Variants in MRPS10 observed in about 807,000 individuals in gnomAD.
MRPS10 encodes mitochondrial ribosomal protein S10, also known as small ribosomal subunit protein uS10m.
In MRPS10, 23 loss-of-function variants were observed where a neutral mutation model predicts 27.5. That is an observed-to-expected ratio of 0.84 (90% CI 0.60 to 1.18). The LOEUF (loss-of-function observed/expected upper bound fraction) is 1.18, where lower values mean the gene tolerates loss of function less well. Among genes scored for constraint, MRPS10 ranks in the 50% most tolerant of loss-of-function variants. The probability of loss-of-function intolerance (pLI) is 0.00; values close to 1 mark genes in which losing one functional copy is unlikely to be tolerated. For missense variants in MRPS10, 237 were observed against 240.1 expected, an observed-to-expected ratio of 0.99 and a Z score of 0.09; for synonymous variants, 88 against 84.2, an observed-to-expected ratio of 1.04 and a Z score of -0.25.
At chr6:42,213,482 T>G (rs1357742668) in intron 3 of MRPS10, among the ~76,000 whole-genome samples, 1 of 152,000 alleles carries the variant, frequency 6.6e-6, no homozygotes, top group Non-Finnish European at 1.5e-5. Context: ...CAATATCTAT[T>G]AAGAGAAAAG....
chr6:42,214,426 G>T (rs576070129), intron 1 of MRPS10, 82 bp from the exon 2 acceptor site: 4 of 1,102,384 alleles, frequency 3.6e-6, no homozygotes, highest in Non-Finnish European at 4.0e-6. Context: ...AAACTAAAAG[G>T]TTACCTCATT....
At chr6:42,214,030 A>G in intron 3 of MRPS10, 90 bp downstream of exon 3, 1 of 1,089,778 alleles carries the variant, frequency 9.2e-7, no homozygotes, top group Non-Finnish European at 1.3e-6. Flanking sequence ...TTTTATTCAT[A>G]GAGTGTTTGG....
chr6:42,208,823 C>T (rs1283592699), intron 6 of MRPS10, 35 bp downstream of exon 6: 8 of 1,377,454 alleles, frequency 5.8e-6, no homozygotes, highest in African/African-American at 1.5e-5. Flanking sequence ...CACTCCCCAC[C>T]GCCCCACCGA....
chr6:42,215,031 T>C (rs1301773907), intron 1 of MRPS10, among the ~76,000 whole-genome samples: 1 of 152,192 alleles, frequency 6.6e-6, no homozygotes, highest in African/African-American at 2.4e-5. Flanking sequence ...TTTCAACTTT[T>C]CTGAGATTTT....
chr6:42,208,701 T>C (rs1582346073), intron 6 of MRPS10, among the ~76,000 whole-genome samples, 157 bp downstream of exon 6: 1 of 152,024 alleles, frequency 6.6e-6, no homozygotes, highest in Admixed American at 6.6e-5. Flanking sequence ...AAGGGGTGGG[T>C]AGCCCCCAAC....
At position 42,215,100 on chromosome 6, in the gene MRPS10, A is replaced by G. The variant is rs1768885501; in HGVS notation, c.49-756T>C. On this transcript the variant is annotated intron_variant, in intron 1 of 6. Transcript: ENST00000053468. ...AATCCTTAAAAACACAATGAAGATG[A>G]AAATAAGGCCAGGTGCCGTGGCTCA... Among the ~76,000 whole-genome samples the G allele has an allele frequency of 2.0e-5, 3 of 152,184 alleles. No homozygotes were observed. In the South Asian group the frequency reaches 6.2e-4, roughly 32 times the overall value.
chr6:42,208,583 G>C (rs1374527241), intron 6 of MRPS10, among the ~76,000 whole-genome samples: 2 of 152,164 alleles, frequency 1.3e-5, no homozygotes, highest in Non-Finnish European at 2.9e-5. Flanking sequence ...TGATCTTCAT[G>C]GATTGCCACT....
At chr6:42,217,772 C>A in intron 1 of MRPS10, 30 bp downstream of exon 1, 1 of 1,612,360 alleles carries the variant, frequency 6.2e-7, no homozygotes, top group Non-Finnish European at 8.5e-7. Flanking sequence ...TCCCGGTCAG[C>A]CCTCCTAGTC....
At chr6:42,214,555 A>C (rs1768868704) in intron 1 of MRPS10, among the ~76,000 whole-genome samples, 1 of 147,588 alleles carries the variant, frequency 6.8e-6, no homozygotes, top group Non-Finnish European at 1.5e-5. Context: ...GAGAATCTCT[A>C]TTTTAAAGAT....
At chr6:42,210,740 A>T (rs1768750494) in intron 4 of MRPS10, 144 bp from the exon 5 acceptor site, 2 of 1,219,030 alleles carry the variant, frequency 1.6e-6, no homozygotes, top group African/African-American at 3.1e-5. Context: ...ATCTGGAACA[A>T]CAACTGCTAT....
At chr6:42,209,936 A>C (rs527525866) in intron 5 of MRPS10, among the ~76,000 whole-genome samples, 91 of 152,198 alleles carry the variant, frequency 6.0e-4, no homozygotes, top group African/African-American at 2.1e-3. Context: ...TCTAATCCTC[A>C]CACTAACCTT....
intron 3 of MRPS10, among the ~76,000 whole-genome samples, chr6:42,213,702 T>C (rs1768844382): frequency 6.6e-6 from 1 of 152,194 alleles, no homozygotes; most frequent in African/African-American, 2.4e-5. Context: ...ATGTTTATTA[T>C]TTGTGCTAAC....
chr6:42,213,712 C>T (rs926872743), intron 3 of MRPS10, among the ~76,000 whole-genome samples: 2 of 152,194 alleles, frequency 1.3e-5, no homozygotes, highest in African/African-American at 2.4e-5. Flanking sequence ...TTTGTGCTAA[C>T]GCATTTTCTC....
At chr6:42,213,976 G>C in intron 3 of MRPS10, 144 bp downstream of exon 3, 1 of 570,116 alleles carries the variant, frequency 1.8e-6, no homozygotes, top group Non-Finnish European at 3.1e-6. Context: ...GGAGTTAAGA[G>C]AATATATGCG....
chr6:42,215,307 T>C (rs1459490544), intron 1 of MRPS10, among the ~76,000 whole-genome samples: 1 of 127,206 alleles, frequency 7.9e-6, no homozygotes, highest in Non-Finnish European at 1.6e-5. Context: ...GGAGAATCGC[T>C]TGAACCCGGG....
chr6:42,210,191 G>A (rs572025976), intron 5 of MRPS10, among the ~76,000 whole-genome samples: 2 of 152,336 alleles, frequency 1.3e-5, no homozygotes, highest in South Asian at 4.1e-4. Context: ...ACAGTTATTA[G>A]AACTGTGTAA....
chr6:42,216,520 T>C (rs1416868131), intron 1 of MRPS10, among the ~76,000 whole-genome samples: 21 of 150,644 alleles, frequency 1.4e-4, no homozygotes, highest in African/African-American at 5.1e-4. Flanking sequence ...TCAAGAACAG[T>C]GGTTTTCAGG....
In MRPS10 at chr6:42,208,070, T is replaced by C; in HGVS notation, c.*219A>G. 1.8e-6 allele frequency: 1 copy of C among 540,612 alleles called. No individual in the cohort carries two copies. Among genetic ancestry groups the C allele is most frequent in the Non-Finnish European group, 3.2e-6 (1 of 309,690 alleles). The allele number at this position is 540,612 out of a possible 1,614,324, so 33.5% of individuals were successfully genotyped here. A position where few individuals can be genotyped will look rare whatever the true frequency, so the allele number is the denominator to read the frequency against. On this transcript the variant is annotated 3_prime_UTR_variant, in exon 7 of 7. Coordinates refer to ENST00000053468, the MANE Select transcript of MRPS10 (RefSeq NM_018141.4). ...TTCAGTCAAAGTGGTTTGCTCATGT[T>C]TGCTGAAATCAGAACTGAAACAATG...
chr6:42,213,214 T>C (rs1768834122), intron 3 of MRPS10, among the ~76,000 whole-genome samples: 1 of 152,174 alleles, frequency 6.6e-6, no homozygotes, highest in Non-Finnish European at 1.5e-5. Flanking sequence ...TTTGGGAGGC[T>C]GAGGCAGGCA....
Sources: allele counts gnomAD v4.1 joint callset (sites outside exome capture counted in the v4.1 genomes callset), GRCh38; gene constraint gnomAD v4.1.1; transcripts MANE v1.5; gene names NCBI Gene and HGNC (gene_info 2026-07-23, HGNC 2026-07-21).